GNAI1: variants seen among roughly 807,000 people sequenced by gnomAD.
GNAI1 encodes guanine nucleotide-binding protein G(i) subunit alpha-1.
A neutral mutation model predicts 38.9 loss-of-function variants in GNAI1; 11 were observed. The ratio of observed to expected loss-of-function variants is 0.28; its 90% confidence interval spans 0.18 to 0.47. The LOEUF is 0.47. Ranked by LOEUF, GNAI1 falls within the 20% of genes least tolerant of loss-of-function variation. The pLI, the probability that GNAI1 is intolerant of heterozygous loss-of-function variation, is 0.99. For synonymous variants in GNAI1, 166 were observed against 145.1 expected, an observed-to-expected ratio of 1.14 and a Z score of -1.04; for missense variants, 317 against 436.9, an observed-to-expected ratio of 0.73 and a Z score of 2.45.
intron 1 of GNAI1, among the ~76,000 whole-genome samples, chr7:80,142,535 TG>T (rs1295625525): frequency 5.3e-5 from 8 of 152,378 alleles, no homozygotes; most frequent in Middle Eastern, 3.4e-3. Context: ...CCTTTCTCTA[TG>T]GCATTGGCCC....
At chr7:80,211,277 A>G (rs1788868468) in intron 6 of GNAI1, among the ~76,000 whole-genome samples, 179 bp downstream of exon 6, 1 of 152,242 alleles carries the variant, frequency 6.6e-6, no homozygotes, top group Non-Finnish European at 1.5e-5. Flanking sequence ...AAAGGAAAAC[A>G]TGGAGAGTCA....
At chr7:80,186,167 G>A (rs1788383862) in intron 1 of GNAI1, among the ~76,000 whole-genome samples, 1 of 151,728 alleles carries the variant, frequency 6.6e-6, no homozygotes, top group East Asian at 1.9e-4. Context: ...CGAGTAGCTG[G>A]GTCTATAGGC....
rs1359729571 is a variant in GNAI1 at position 80,180,106 on chromosome 7, G to A, written c.119-8845G>A. Among the ~76,000 whole-genome samples, 5 of 152,120 alleles carry A rather than the reference G, an allele frequency of 3.3e-5. No homozygotes were observed. The East Asian group carries it at 9.6e-4, about 29-fold the overall frequency. On this transcript the variant is annotated intron_variant, in intron 1 of 7. Coordinates refer to ENST00000649796, the MANE Select transcript of GNAI1 (RefSeq NM_002069.6). ...AAAAGTTTGTATATGTTAATTATTT[G>A]CCAGTCCTTAATAGAAAACAGCTTA...
chr7:80,143,923 C>T (rs77482403), intron 1 of GNAI1, among the ~76,000 whole-genome samples: 65,352 of 131,704 alleles, frequency 0.5, 14,664 homozygotes, highest in Middle Eastern at 0.6. Context: ...TGTGTGTGTG[C>T]GCGCGTGTGT....
At chr7:80,159,025 G>C (rs939866167) in intron 1 of GNAI1, among the ~76,000 whole-genome samples, 1 of 152,152 alleles carries the variant, frequency 6.6e-6, no homozygotes, top group African/African-American at 2.4e-5. Context: ...TGATACTGCT[G>C]ATGCCCAGGC....
chr7:80,166,994 G>T (rs1788019684), intron 1 of GNAI1, among the ~76,000 whole-genome samples: 1 of 152,178 alleles, frequency 6.6e-6, no homozygotes, highest in Non-Finnish European at 1.5e-5. Context: ...AGCTGATGAG[G>T]TGACTGTCAT....
intron 1 of GNAI1, among the ~76,000 whole-genome samples, chr7:80,149,285 A>G (rs1328014874): frequency 6.6e-6 from 1 of 152,144 alleles, no homozygotes; most frequent in East Asian, 1.9e-4. Flanking sequence ...GATGTCGCCT[A>G]CATTTACAGT....
intron 3 of GNAI1, among the ~76,000 whole-genome samples, chr7:80,195,924 A>C (rs756619594): frequency 1.2e-4 from 18 of 151,908 alleles, no homozygotes; most frequent in Non-Finnish European, 2.4e-4. Context: ...TCTGTGCCTA[A>C]ACATGAACTC....
intron 1 of GNAI1, among the ~76,000 whole-genome samples, chr7:80,173,045 G>A (rs1056475469): frequency 1.3e-5 from 2 of 152,150 alleles, no homozygotes; most frequent in Admixed American, 6.6e-5. Flanking sequence ...AATGAGGCCA[G>A]AAGACAAGCT....
chr7:80,201,686 T>A (rs921672563), intron 4 of GNAI1, among the ~76,000 whole-genome samples: 1 of 152,084 alleles, frequency 6.6e-6, no homozygotes, highest in African/African-American at 2.4e-5. Flanking sequence ...ACTGCACAGC[T>A]GTATTCCAGC....
At chr7:80,144,958 G>A (rs1787592756) in intron 1 of GNAI1, among the ~76,000 whole-genome samples, 1 of 152,140 alleles carries the variant, frequency 6.6e-6, no homozygotes, top group Non-Finnish European at 1.5e-5. Flanking sequence ...GGTCAGTAAA[G>A]TTGCTGGGAC....
rs1386756980 is a variant in GNAI1, at chr7:80,222,294, T to G, written c.*4801T>G. 6.6e-6 allele frequency among the ~76,000 whole-genome samples: 1 copy of G among 152,110 alleles called. No individual in the cohort carries two copies. Among genetic ancestry groups the G allele is most frequent in the African/African-American group, 2.4e-5 (1 of 41,428 alleles). ...TGTATAAGGTCAAATATTTCCAGCT[T>G]CTTTGATTTTACTGCCCGTCTTCCT... On this transcript the variant is annotated 3_prime_UTR_variant, in exon 8 of 8. Transcript: ENST00000649796.
At chr7:80,198,236 C>T (rs981681232) in intron 3 of GNAI1, among the ~76,000 whole-genome samples, 17 of 150,854 alleles carry the variant, frequency 1.1e-4, no homozygotes, top group African/African-American at 2.7e-4. Context: ...TGTTGTAATA[C>T]GTATGAAAAA....
At chr7:80,193,121 G>A (rs17834078) in intron 3 of GNAI1, among the ~76,000 whole-genome samples, 8,821 of 151,820 alleles carry the variant, frequency 0.058, 363 homozygotes, top group Admixed American at 0.083. Flanking sequence ...TAGAGTAAGC[G>A]CACCCCATTT....
chr7:80,135,445 C>A (rs1583996923), intron 1 of GNAI1, 167 bp downstream of exon 1: 1 of 430,044 alleles, frequency 2.3e-6, no homozygotes, highest in East Asian at 3.6e-5. Context: ...CCCCCTCTCC[C>A]GGTGTCTGGT....
At position 80,220,084 on chromosome 7, in the gene GNAI1, C is replaced by A. The variant is rs189688936; in HGVS notation, c.*2591C>A. ...AACTGTGGCCCTATCACCTTCTATT[C>A]CTTGATCTGCATTGGCTCTGATTTG... On this transcript the variant is annotated 3_prime_UTR_variant, in exon 8 of 8. Transcript: ENST00000649796. Among the ~76,000 whole-genome samples, 19 of 152,280 alleles carry A rather than the reference C, an allele frequency of 1.2e-4. No homozygotes were observed. The highest frequency in any genetic ancestry group is 4.6e-4 in the African/African-American group (19 of 41,550).
At chr7:80,163,626 G>T (rs1787961265) in intron 1 of GNAI1, among the ~76,000 whole-genome samples, 1 of 152,174 alleles carries the variant, frequency 6.6e-6, no homozygotes, top group Non-Finnish European at 1.5e-5. Context: ...GTTGAATTTT[G>T]AGATATTTAG....
At chr7:80,195,656 A>G (rs960945622) in intron 3 of GNAI1, among the ~76,000 whole-genome samples, 3 of 151,462 alleles carry the variant, frequency 2.0e-5, no homozygotes, top group African/African-American at 7.3e-5. Flanking sequence ...CATGCTAAAA[A>G]CTCTCAATAA....
At chr7:80,138,783 AC>A (rs919021234) in intron 1 of GNAI1, among the ~76,000 whole-genome samples, 1 of 151,600 alleles carries the variant, frequency 6.6e-6, no homozygotes, top group African/African-American at 2.4e-5. Flanking sequence ...CTTCCGCTCC[AC>A]TCCCCCTCAT....
Sources: gnomAD v4.1 joint callset for allele counts (sites outside exome capture counted in the v4.1 genomes callset) on GRCh38, gnomAD v4.1.1 for gene constraint, MANE v1.5 for transcripts, NCBI Gene and HGNC (gene_info 2026-07-23, HGNC 2026-07-21) for gene names.